Variants in SLC39A11 observed in about 807,000 individuals in gnomAD.
SLC39A11 encodes zinc transporter ZIP11.
SLC39A11 carries 33 observed loss-of-function variants against 36.1 expected under a neutral mutation model. The observed-to-expected ratio is 0.91, with a 90% CI of 0.69 to 1.22. The LOEUF (loss-of-function observed/expected upper bound fraction) is 1.22. Among genes scored for constraint, SLC39A11 ranks in the 50% most tolerant of loss-of-function variants. SLC39A11 has a pLI of 0.00. For missense variants in SLC39A11, 432 were observed against 430.3 expected (o/e 1.00, Z -0.03); for synonymous variants, 166 against 170.3 (o/e 0.97, Z 0.20).
chr17:72,893,403 T>C (rs1171283790), intron 5 of SLC39A11, among the ~76,000 whole-genome samples: 2 of 152,126 alleles, frequency 1.3e-5, no homozygotes, highest in South Asian at 2.1e-4. Flanking sequence ...GAGGTTGCAG[T>C]GACCCAGGAT....
chr17:73,009,282 T>C (rs1598835740), intron 4 of SLC39A11, among the ~76,000 whole-genome samples: 1 of 139,374 alleles, frequency 7.2e-6, no homozygotes, highest in African/African-American at 2.7e-5. Flanking sequence ...GGCAGGAGAA[T>C]GGCGTGAGCT....
intron 6 of SLC39A11, among the ~76,000 whole-genome samples, chr17:72,840,475 G>A (rs2078753349): frequency 6.6e-6 from 1 of 152,196 alleles, no homozygotes; most frequent in Admixed American, 6.5e-5. Flanking sequence ...AGAAAATTAG[G>A]CGGCTGGGAG....
chr17:72,713,794 T>C (rs1365533203), intron 7 of SLC39A11, among the ~76,000 whole-genome samples: 1 of 152,190 alleles, frequency 6.6e-6, no homozygotes, highest in African/African-American at 2.4e-5. Flanking sequence ...TAATAACAGC[T>C]ATAACTTCTC....
rs1282268042 is a variant in SLC39A11, at chr17:72,791,274, G to A, written c.602-54555C>T. On this transcript the variant is annotated intron_variant, in intron 6 of 9. Coordinates refer to ENST00000255559, the MANE Select transcript of SLC39A11 (RefSeq NM_139177.4). ...GTTTGAGACCAGCCTGGCCAACATG[G>A]TAAAACCCTGTCTCTACAAAAATAC... Among the ~76,000 whole-genome samples, 3 of 152,140 alleles carry A rather than the reference G, an allele frequency of 2.0e-5. No homozygotes were observed. In the East Asian group the frequency reaches 5.8e-4, roughly 29 times the overall value.
At chr17:72,928,137 A>G (rs748929912) in intron 5 of SLC39A11, among the ~76,000 whole-genome samples, 5 of 152,216 alleles carry the variant, frequency 3.3e-5, no homozygotes, top group Admixed American at 6.5e-5. Context: ...GGACACTATA[A>G]AAGAAAACAA....
chr17:72,866,338 A>G (rs889201993), intron 5 of SLC39A11, among the ~76,000 whole-genome samples: 1 of 152,212 alleles, frequency 6.6e-6, no homozygotes, highest in East Asian at 1.9e-4. Context: ...GCAGGAAAAC[A>G]AGCTCGGGGC....
intron 4 of SLC39A11, among the ~76,000 whole-genome samples, chr17:72,996,926 G>C (rs1238547852): frequency 1.3e-5 from 2 of 152,040 alleles, no homozygotes; most frequent in Non-Finnish European, 2.9e-5. Flanking sequence ...TTGTGCCTCT[G>C]CCCTTGTCAT....
intron 6 of SLC39A11, among the ~76,000 whole-genome samples, chr17:72,773,808 C>T (rs1327115313): frequency 6.6e-6 from 1 of 152,116 alleles, no homozygotes; most frequent in African/African-American, 2.4e-5. Flanking sequence ...CTTCACTGAC[C>T]TGTAGACCTA....
At chr17:72,956,720 C>T (rs892022880) in intron 4 of SLC39A11, among the ~76,000 whole-genome samples, 1 of 152,122 alleles carries the variant, frequency 6.6e-6, no homozygotes, top group Admixed American at 6.5e-5. Context: ...TGAGAACCTC[C>T]AGCTGGTGTT....
At chr17:72,939,836 C>G (rs1000535776) in intron 5 of SLC39A11, among the ~76,000 whole-genome samples, 1 of 152,148 alleles carries the variant, frequency 6.6e-6, no homozygotes, top group Non-Finnish European at 1.5e-5. Context: ...AGATAACCAT[C>G]CCTTCTCTGA....
At chr17:72,668,016 A>G (rs1352057328) in intron 7 of SLC39A11, among the ~76,000 whole-genome samples, 1 of 152,126 alleles carries the variant, frequency 6.6e-6, no homozygotes, top group Non-Finnish European at 1.5e-5. Flanking sequence ...AACAGTGCAG[A>G]GTGAGGGTGG....
chr17:73,034,325 C>A (rs2058834235), intron 3 of SLC39A11, among the ~76,000 whole-genome samples: 1 of 152,206 alleles, frequency 6.6e-6, no homozygotes, highest in African/African-American at 2.4e-5. Context: ...CAGGTTCAAG[C>A]AATTCTCCTG....
intron 4 of SLC39A11, among the ~76,000 whole-genome samples, chr17:72,983,986 G>A (rs72850936): frequency 0.018 from 2,799 of 152,264 alleles, 39 homozygotes; most frequent in Middle Eastern, 0.11. Context: ...TGCTGTTCAG[G>A]GGGGTGGCAA....
rs533751310 is a variant in SLC39A11, at chr17:73,011,557, T to G, written c.306+19999A>C. 8.6e-5 allele frequency among the ~76,000 whole-genome samples: 13 copies of G among 151,978 alleles called. No individual in the cohort carries two copies. The East Asian group carries it at 2.5e-3, about 29-fold the overall frequency. ...ACCAGGGCACATAGACAAAAGATCATTCGTACAAAAAAAGTAGAAAGAATG... is the reference window on the plus strand; with the variant it reads ...ACCAGGGCACATAGACAAAAGATCAGTCGTACAAAAAAAGTAGAAAGAATG... On this transcript the variant is annotated intron_variant, in intron 4 of 9. Transcript: ENST00000255559.
intron 6 of SLC39A11, among the ~76,000 whole-genome samples, chr17:72,815,231 G>A (rs1241009762): frequency 1.3e-5 from 2 of 152,156 alleles, no homozygotes; most frequent in East Asian, 3.8e-4. Context: ...CCAGGGGAAG[G>A]GAAGGGAGAG....
At chr17:72,781,715 G>A (rs1353843130) in intron 6 of SLC39A11, among the ~76,000 whole-genome samples, 4 of 152,144 alleles carry the variant, frequency 2.6e-5, no homozygotes, top group African/African-American at 4.8e-5. Context: ...CACTGTACCC[G>A]GTCCTTATTT....
chr17:72,845,832 T>C lies in SLC39A11; in HGVS notation c.601+3802A>G, dbSNP rs1419635445. On this transcript the variant is annotated intron_variant, in intron 6 of 9. Transcript: ENST00000255559. ...CCTCCAGTTTACTGAAACCAGTGAC[T>C]ATTACCACCATGCTTCTGGTGAAAT... Among the ~76,000 whole-genome samples, 4 of 152,208 alleles carry C rather than the reference T, an allele frequency of 2.6e-5. No individual in the cohort carries two copies. The East Asian group carries it at 7.7e-4, about 29-fold the overall frequency.
intron 3 of SLC39A11, among the ~76,000 whole-genome samples, chr17:73,044,464 C>T (rs940809048): frequency 3.9e-5 from 6 of 152,328 alleles, no homozygotes; most frequent in East Asian, 1.9e-4. Flanking sequence ...GGATACTACA[C>T]GATTCCTTTT....
rs372991961 is a variant in SLC39A11 at position 72,880,516 on chromosome 17, T to C, written c.431-30712A>G. ...GAGCTCTGGGAGGCAGAGGTTGCAATGAGCTGAGATCTCTCAACTGCACTC... is the reference window on the plus strand; with the variant it reads ...GAGCTCTGGGAGGCAGAGGTTGCAACGAGCTGAGATCTCTCAACTGCACTC... On this transcript the variant is annotated intron_variant, in intron 5 of 9. Transcript: ENST00000255559. Among the ~76,000 whole-genome samples, 17 of 152,018 alleles carry C rather than the reference T, an allele frequency of 1.1e-4. 1 individual carries two copies. In the East Asian group the frequency reaches 2.5e-3, roughly 23 times the overall value.
Sources: gnomAD v4.1 joint callset for allele counts (sites outside exome capture counted in the v4.1 genomes callset) on GRCh38, gnomAD v4.1.1 for gene constraint, MANE v1.5 for transcripts, NCBI Gene and HGNC (gene_info 2026-07-23, HGNC 2026-07-21) for gene names.